The following SOX6 variants were observed in gnomAD, a reference collection of about 807,000 sequenced individuals.
The protein encoded by SOX6 is transcription factor SOX-6.
In SOX6, 11 loss-of-function variants were observed where a neutral mutation model predicts 97.8. The ratio of observed to expected loss-of-function variants is 0.11; its 90% confidence interval spans 0.07 to 0.19. SOX6 has a LOEUF of 0.19. Among genes scored for constraint, SOX6 ranks in the 10% least tolerant of loss-of-function variants. SOX6 has a pLI of 1.00. For missense variants in SOX6, 810 were observed against 1,039.5 expected (o/e 0.78, Z 3.04); for synonymous variants, 360 against 371.4 (o/e 0.97, Z 0.35).
chr11:16,450,481 A>G (rs1394984985), intron 1 of SOX6, among the ~76,000 whole-genome samples: 1 of 152,238 alleles, frequency 6.6e-6, no homozygotes, highest in Non-Finnish European at 1.5e-5. Flanking sequence ...TCTGAATATA[A>G]GTGATTTGGA....
intron 1 of SOX6, among the ~76,000 whole-genome samples, chr11:16,446,888 CTTTG>C (rs1407502568): frequency 1.3e-5 from 2 of 151,194 alleles, no homozygotes; most frequent in Non-Finnish European, 3.0e-5. Context: ...TCCTTCCTTT[CTTTG>C]TTTCTTTCTT....
chr11:16,059,972 C>T (rs990066985), intron 9 of SOX6, among the ~76,000 whole-genome samples: 1 of 151,770 alleles, frequency 6.6e-6, no homozygotes, highest in Non-Finnish European at 1.5e-5. Flanking sequence ...GTATCATAAC[C>T]AATATATCCT....
At chr11:16,650,556 A>G (rs967185143) in intron 3 of SOX6, among the ~76,000 whole-genome samples, 2 of 5,926 alleles carry the variant, frequency 3.4e-4, no homozygotes, top group Non-Finnish European at 0.023. Context: ...CAAAATACCA[A>G]TTTAAAAATC....
chr11:16,187,511 A>G (rs1015560283), intron 4 of SOX6, among the ~76,000 whole-genome samples: 2 of 152,146 alleles, frequency 1.3e-5, no homozygotes, highest in African/African-American at 2.4e-5. Context: ...AGAGAATTAA[A>G]ACTGCCTCAG....
intron 4 of SOX6, among the ~76,000 whole-genome samples, chr11:16,205,484 C>T (rs1852049150): frequency 6.6e-6 from 1 of 151,898 alleles, no homozygotes; most frequent in South Asian, 2.1e-4. Context: ...ATATGGTAGT[C>T]TAAGTTCTTT....
chr11:16,040,355 C>A lies in SOX6; in HGVS notation c.1623+6159G>T, dbSNP rs548663211. ...CCTTTTAAGCTAGTAGCTAGGCAAC[C>A]AATCAAGTAGTCCTGACAACAGAAA... On this transcript the variant is annotated intron_variant, in intron 12 of 15. Transcript: ENST00000683767. Among the ~76,000 whole-genome samples, 119 of 151,980 alleles carry A rather than the reference C, an allele frequency of 7.8e-4. 1 individual carries two copies. In the South Asian group the frequency reaches 0.023, roughly 29 times the overall value.
At chr11:16,353,394 A>C (rs976442179) in intron 1 of SOX6, among the ~76,000 whole-genome samples, 1 of 152,106 alleles carries the variant, frequency 6.6e-6, no homozygotes, top group African/African-American at 2.4e-5. Context: ...GAGGAAAAGA[A>C]ATAGAAAAGC....
At chr11:16,392,523 CT>C (rs1005420717) in intron 1 of SOX6, among the ~76,000 whole-genome samples, 3 of 152,092 alleles carry the variant, frequency 2.0e-5, no homozygotes, top group Admixed American at 6.6e-5. Flanking sequence ...AGATCAGAAG[CT>C]TTTTAAAGAT....
chr11:16,168,180 C>T (rs1231810327), intron 6 of SOX6, among the ~76,000 whole-genome samples: 1 of 152,034 alleles, frequency 6.6e-6, no homozygotes, highest in African/African-American at 2.4e-5. Flanking sequence ...CATGACATAA[C>T]ATGAATCTAA....
At chr11:16,484,399 T>C in intron 4 of SOX6, 2 of 791,138 alleles carry the variant, frequency 2.5e-6, no homozygotes, top group Non-Finnish European at 4.6e-6. Flanking sequence ...TCTGGCAGGC[T>C]CCTTTAACCA....
chr11:16,324,886 G>A (rs1590125862), intron 2 of SOX6, among the ~76,000 whole-genome samples: 1 of 152,100 alleles, frequency 6.6e-6, no homozygotes, highest in East Asian at 1.9e-4. Context: ...GTAGTGAATA[G>A]AACAGTAGTT....
At chr11:16,489,727 C>T (rs1860481680) in intron 4 of SOX6, among the ~76,000 whole-genome samples, 1 of 152,162 alleles carries the variant, frequency 6.6e-6, no homozygotes, top group East Asian at 1.9e-4. Context: ...ACATAGCTAA[C>T]CTCTTAGAGT....
intron 4 of SOX6, among the ~76,000 whole-genome samples, chr11:16,519,952 T>G (rs1861032371): frequency 6.6e-6 from 1 of 152,170 alleles, no homozygotes; most frequent in South Asian, 2.1e-4. Context: ...TGAATTAGTG[T>G]TGTTGAGCAT....
chr11:16,035,989 G>A (rs1254944038), intron 12 of SOX6, among the ~76,000 whole-genome samples: 1 of 152,046 alleles, frequency 6.6e-6, no homozygotes, highest in Admixed American at 6.6e-5. Context: ...GGCTGGATTT[G>A]GGCAATCACT....
At chr11:16,178,747 C>T (rs759789961) in intron 6 of SOX6, among the ~76,000 whole-genome samples, 8 of 151,868 alleles carry the variant, frequency 5.3e-5, no homozygotes, top group East Asian at 1.9e-4. Flanking sequence ...ATACAAAAAA[C>T]GACTATTTGC....
intron 4 of SOX6, among the ~76,000 whole-genome samples, chr11:16,565,357 C>T (rs1847858503): frequency 6.6e-6 from 1 of 152,058 alleles, no homozygotes; most frequent in South Asian, 2.1e-4. Flanking sequence ...CAAATGTCTA[C>T]CAAATGTTTA....
chr11:16,353,660 G>C (rs527954290), intron 1 of SOX6, among the ~76,000 whole-genome samples: 1 of 151,972 alleles, frequency 6.6e-6, no homozygotes, highest in South Asian at 2.1e-4. Flanking sequence ...GAGAACATGA[G>C]AATCCAATTG....
intron 9 of SOX6, among the ~76,000 whole-genome samples, chr11:16,059,539 C>T (rs1012440523): frequency 6.6e-6 from 1 of 151,984 alleles, no homozygotes; most frequent in African/African-American, 2.4e-5. Flanking sequence ...ACAGACCTTT[C>T]AGCACATGTA....
At chr11:15,986,769 T>C (rs1413522479) in intron 14 of SOX6, among the ~76,000 whole-genome samples, 1 of 152,222 alleles carries the variant, frequency 6.6e-6, no homozygotes, top group Non-Finnish European at 1.5e-5. Context: ...AGCATACTTT[T>C]GAGCATGACA....
Sources: gnomAD v4.1 joint callset for allele counts (sites outside exome capture counted in the v4.1 genomes callset) on GRCh38, gnomAD v4.1.1 for gene constraint, MANE v1.5 for transcripts, NCBI Gene and HGNC (gene_info 2026-07-23, HGNC 2026-07-21) for gene names.